The following DPP6 variants were observed in gnomAD, a reference collection of about 807,000 sequenced individuals.
DPP6 encodes the protein A-type potassium channel modulatory protein DPP6.
Under a neutral mutation model 122.6 loss-of-function variants are expected in DPP6, and 69 were observed. That is an observed-to-expected ratio of 0.56 (90% CI 0.46 to 0.69). The LOEUF (loss-of-function observed/expected upper bound fraction) is 0.69, where lower values mean the gene tolerates loss of function less well. Among genes scored for constraint, DPP6 ranks in the 30% least tolerant of loss-of-function variants. The pLI is 0.00. For missense variants in DPP6, 928 were observed against 1,116.9 expected (o/e 0.83, Z 2.41); for synonymous variants, 418 against 433.1 (o/e 0.97, Z 0.43).
the DPP6 span, among the ~76,000 whole-genome samples, chr7:153,771,592 G>A: frequency 1.9e-4 from 29 of 152,172 alleles, no homozygotes; most frequent in Admixed American, 1.5e-3. Flanking sequence ...CACCTGCCTC[G>A]GCCTCCCAAA....
At chr7:153,900,421 A>G (rs1213897568) in intron 1 of DPP6, among the ~76,000 whole-genome samples, 2 of 152,190 alleles carry the variant, frequency 1.3e-5, no homozygotes, top group Non-Finnish European at 2.9e-5. Flanking sequence ...TGCAAGCTGT[A>G]CAAGAAGCAC....
At chr7:154,703,182 A>G (rs1840621135) in intron 7 of DPP6, among the ~76,000 whole-genome samples, 1 of 152,262 alleles carries the variant, frequency 6.6e-6, no homozygotes, top group Non-Finnish European at 1.5e-5. Context: ...ATTACTGTTC[A>G]ATCCCAGTAT....
intron 1 of DPP6, among the ~76,000 whole-genome samples, chr7:153,896,363 A>G (rs977414643): frequency 1.3e-5 from 2 of 152,184 alleles, no homozygotes; most frequent in Non-Finnish European, 2.9e-5. Context: ...TTAATATTCT[A>G]TACCTTCTTG....
chr7:154,830,695 G>C (rs899689119), intron 16 of DPP6, among the ~76,000 whole-genome samples: 1 of 152,214 alleles, frequency 6.6e-6, no homozygotes, highest in Non-Finnish European at 1.5e-5. Flanking sequence ...ACTTCATTTT[G>C]ATCAGATGGC....
chr7:154,721,923 G>T (rs1383009046), intron 7 of DPP6, among the ~76,000 whole-genome samples: 1 of 151,464 alleles, frequency 6.6e-6, no homozygotes, highest in Non-Finnish European at 1.5e-5. Context: ...CCCAACACTT[G>T]TGAAGCCAAG....
chr7:154,435,278 G>A (rs1357097884), intron 1 of DPP6, among the ~76,000 whole-genome samples: 3 of 152,028 alleles, frequency 2.0e-5, no homozygotes, highest in Non-Finnish European at 4.4e-5. Flanking sequence ...AAAGAAAGAG[G>A]GAGGAATGGG....
At position 154,700,139 on chromosome 7, in the gene DPP6, A is replaced by G. The variant is rs1840436030; in HGVS notation, c.763-27628A>G. Reference sequence around the variant, plus strand: ...TATGTGAATGTAAAATAAAATAAATATGTGCAACACATCCATCAATGCATG... The same window carrying G: ...TATGTGAATGTAAAATAAAATAAATGTGTGCAACACATCCATCAATGCATG... On this transcript the variant is annotated intron_variant, in intron 7 of 25. Transcript: ENST00000377770. 2.6e-5 allele frequency among the ~76,000 whole-genome samples: 4 copies of G among 152,256 alleles called. No individual in the cohort carries two copies. In the South Asian group the frequency reaches 8.3e-4, roughly 32 times the overall value.
intron 5 of DPP6, among the ~76,000 whole-genome samples, chr7:154,580,790 C>T (rs1316018685): frequency 6.6e-6 from 1 of 152,086 alleles, no homozygotes; most frequent in Non-Finnish European, 1.5e-5. Flanking sequence ...GCGATCACTG[C>T]AGAGGAACAG....
chr7:154,510,033 CTG>C (rs771760552), intron 3 of DPP6, among the ~76,000 whole-genome samples: 1 of 152,170 alleles, frequency 6.6e-6, no homozygotes, highest in Non-Finnish European at 1.5e-5. Context: ...GTGCACATGT[CTG>C]TGAATACGTT....
chr7:154,258,041 G>A (rs2150908486), intron 1 of DPP6, among the ~76,000 whole-genome samples: 1 of 151,884 alleles, frequency 6.6e-6, no homozygotes, highest in South Asian at 2.1e-4. Flanking sequence ...AGCCTGAAAA[G>A]CCAAAGGCAC....
At chr7:154,014,259 C>CA (rs200006678) in intron 1 of DPP6, among the ~76,000 whole-genome samples, 1,690 of 145,998 alleles carry the variant, frequency 0.012, 71 homozygotes, top group African/African-American at 0.042. Context: ...CAGTAAATGC[C>CA]TCCCCACCTC....
chr7:154,747,920 G>C (rs1280395061), intron 8 of DPP6, among the ~76,000 whole-genome samples: 2 of 152,194 alleles, frequency 1.3e-5, no homozygotes, highest in Non-Finnish European at 2.9e-5. Flanking sequence ...AGTGCTGTGG[G>C]TCCAGGCAGA....
intron 6 of DPP6, among the ~76,000 whole-genome samples, chr7:154,668,689 A>C (rs970705841): frequency 1.3e-5 from 2 of 152,146 alleles, no homozygotes; most frequent in African/African-American, 4.8e-5. Flanking sequence ...ATACTGAAAT[A>C]TTTAATACTT....
At chr7:154,719,419 G>A (rs3807261) in intron 7 of DPP6, among the ~76,000 whole-genome samples, 105,653 of 152,052 alleles carry the variant, frequency 0.69, 37,042 homozygotes, top group South Asian at 0.78. Context: ...AACTCAAAGG[G>A]AAAATGACAT....
At chr7:154,577,171 G>T (rs1484264676) in intron 5 of DPP6, among the ~76,000 whole-genome samples, 1 of 152,150 alleles carries the variant, frequency 6.6e-6, no homozygotes, top group African/African-American at 2.4e-5. Context: ...GGGACAGAGA[G>T]CCTCAGAGAT....
At chr7:154,127,965 C>T (rs1018134904) in intron 1 of DPP6, among the ~76,000 whole-genome samples, 16 of 149,550 alleles carry the variant, frequency 1.1e-4, no homozygotes, top group Non-Finnish European at 1.5e-4. Flanking sequence ...ATAAGGGGCT[C>T]GGAAGTGTGC....
At chr7:154,397,853 C>T (rs1330680078) in intron 1 of DPP6, among the ~76,000 whole-genome samples, 1 of 151,828 alleles carries the variant, frequency 6.6e-6, no homozygotes, top group African/African-American at 2.4e-5. Flanking sequence ...GCAAAGGTGT[C>T]TTCTCTAATA....
At position 154,877,961 on chromosome 7, in the gene DPP6, C is replaced by T. The variant is rs888047786; in HGVS notation, c.2078+1861C>T. Among the ~76,000 whole-genome samples, 1 of 152,228 alleles carries T rather than the reference C, an allele frequency of 6.6e-6. No individual in the cohort carries two copies. Among genetic ancestry groups the T allele is most frequent in the Non-Finnish European group, 1.5e-5 (1 of 68,036 alleles). The stretch of plus-strand genomic sequence containing the variant: ...ACAGAGGACTCCCAGGACACGGAAG[C>T]CGGCCCAGGCTGCGCTCTGGAGTGG... On this transcript the variant is annotated intron_variant, in intron 20 of 25. Transcript: ENST00000377770. This position sits in a 1 kb window ranked among gnomAD's most constrained non-coding sequence, Gnocchi z 5.2.
chr7:154,380,187 G>T (rs1436260550), intron 1 of DPP6, among the ~76,000 whole-genome samples: 1 of 152,146 alleles, frequency 6.6e-6, no homozygotes, highest in Non-Finnish European at 1.5e-5. Context: ...TTTGAATTGG[G>T]GCTGAACACC....
Sources: allele counts gnomAD v4.1 joint callset (sites outside exome capture counted in the v4.1 genomes callset), GRCh38; gene constraint gnomAD v4.1.1; non-coding constraint Gnocchi (gnomAD v3.1); transcripts MANE v1.5; gene names NCBI Gene and HGNC (gene_info 2026-07-23, HGNC 2026-07-21).